RBX1: variants seen among roughly 807,000 people sequenced by gnomAD.
RBX1 encodes E3 ubiquitin-protein ligase RBX1.
For synonymous variants in RBX1, 48 were observed against 47.9 expected (o/e 1.00, Z -0.01); for missense variants, 46 against 141.4 (o/e 0.33, Z 3.42).
At position 40,961,499 on chromosome 22, in the gene RBX1, C is replaced by T. The variant is rs757550163; in HGVS notation, c.158-2548C>T. Among the ~76,000 whole-genome samples the T allele has an allele frequency of 3.7e-4, 55 of 149,216 alleles. No individual in the cohort carries two copies. The Middle Eastern group carries it at 0.011, about 30-fold the overall frequency. Reference sequence around the variant, plus strand: ...TGCGATCTTGGCTCACTGCAAGCTCCGCCTCCCGGGTTCACACCATTCTCC... The same window carrying T: ...TGCGATCTTGGCTCACTGCAAGCTCTGCCTCCCGGGTTCACACCATTCTCC... On this transcript the variant is annotated intron_variant, in intron 2 of 4. Coordinates refer to ENST00000216225, the MANE Select transcript of RBX1 (RefSeq NM_014248.4).
rs1363867763 is a variant in RBX1, at chr22:40,956,952, G to A, written c.157+3319G>A. On this transcript the variant is annotated intron_variant, in intron 2 of 4. Coordinates refer to ENST00000216225, the MANE Select transcript of RBX1 (RefSeq NM_014248.4). Reference sequence around the variant, plus strand: ...TGAGAGGCTGAGGCAGGAGAATGGCGTGAACCCAGGAGGCGGAGGTTGCAG... The same window carrying A: ...TGAGAGGCTGAGGCAGGAGAATGGCATGAACCCAGGAGGCGGAGGTTGCAG... Among the ~76,000 whole-genome samples the A allele has an allele frequency of 2.6e-5, 4 of 151,580 alleles. No homozygotes were observed. The East Asian group carries it at 7.9e-4, about 30-fold the overall frequency.
At chr22:40,957,646 A>G (rs1340567120) in intron 2 of RBX1, among the ~76,000 whole-genome samples, 1 of 152,048 alleles carries the variant, frequency 6.6e-6, no homozygotes, top group African/African-American at 2.4e-5. Flanking sequence ...TCAAAAAGAG[A>G]AACACTGTTT....
chr22:40,957,341 G>A (rs1170926333), intron 2 of RBX1, among the ~76,000 whole-genome samples: 5 of 137,530 alleles, frequency 3.6e-5, no homozygotes, highest in Admixed American at 2.1e-4. Flanking sequence ...GCAAAACTCT[G>A]TCTCAAAAAA....
chr22:40,971,667 T>C (rs1047967265), intron 4 of RBX1, among the ~76,000 whole-genome samples: 9 of 152,112 alleles, frequency 5.9e-5, no homozygotes, highest in Non-Finnish European at 1.2e-4. Flanking sequence ...AGCAGTTCTC[T>C]TGCCTCAGTC....
intron 1 of RBX1, 68 bp downstream of exon 1, chr22:40,951,544 A>G (rs909020619): frequency 8.8e-6 from 13 of 1,478,854 alleles, no homozygotes; most frequent in South Asian, 4.7e-5. Flanking sequence ...AGGCCCGAGG[A>G]TGGTCGAGGC....
chr22:40,964,127 C>T lies in RBX1; in HGVS notation c.228+10C>T, dbSNP rs780440197. On this transcript the variant is annotated intron_variant, in intron 3 of 4. Coordinates refer to ENST00000216225, the MANE Select transcript of RBX1 (RefSeq NM_014248.4). ...ATGGGGAGTCTGTAACGTAAGGAAGCATCTTTACCTGTCAGCATGGCTTGT... is the reference window on the plus strand; with the variant it reads ...ATGGGGAGTCTGTAACGTAAGGAAGTATCTTTACCTGTCAGCATGGCTTGT... The T allele has an allele frequency of 8.4e-5, 135 of 1,598,724 alleles. No individual in the cohort carries two copies. The highest frequency in any genetic ancestry group is 1.1e-4 in the Non-Finnish European group (130 of 1,166,116).
intron 2 of RBX1, among the ~76,000 whole-genome samples, chr22:40,960,040 C>A (rs1195386545): frequency 2.6e-5 from 4 of 152,062 alleles, no homozygotes; most frequent in African/African-American, 9.7e-5. Context: ...ATAGCTGGAA[C>A]CCGGGAGGTG....
chr22:40,971,741 G>A (rs949292519), intron 4 of RBX1, among the ~76,000 whole-genome samples: 2 of 152,026 alleles, frequency 1.3e-5, no homozygotes, highest in African/African-American at 4.8e-5. Context: ...ATTTTTAGTA[G>A]AGACGGGGTT....
At chr22:40,962,276 AT>A (rs932641366) in intron 2 of RBX1, among the ~76,000 whole-genome samples, 2 of 151,310 alleles carry the variant, frequency 1.3e-5, no homozygotes, top group African/African-American at 4.9e-5. Context: ...TAACTTTTGT[AT>A]TTTTAGTAGA....
chr22:40,952,983 C>CTTTT lies in RBX1; in HGVS notation c.79-550_79-547dup, dbSNP rs34618218. Among the ~76,000 whole-genome samples the CTTTT allele has an allele frequency of 3.2e-3, 275 of 86,904 alleles. 4 individuals carry two copies. Among genetic ancestry groups the CTTTT allele is most frequent in the East Asian group, 4.7e-3 (11 of 2,326 alleles). 57.0% of individuals were successfully genotyped at this position (86,904 alleles called of 152,430 possible). A position where few individuals can be genotyped will look rare whatever the true frequency, so the allele number is the denominator to read the frequency against. On this transcript the variant is annotated intron_variant, in intron 1 of 4. Coordinates refer to ENST00000216225, the MANE Select transcript of RBX1 (RefSeq NM_014248.4). ...CTGCACAGAAATTCAAGTTTGTGCC[C>CTTTT]TTTTTTTTTTTTTTTTTTTTTTTTT...
chr22:40,971,934 GCTTCT>G (rs2058370253), intron 4 of RBX1, among the ~76,000 whole-genome samples: 1 of 152,130 alleles, frequency 6.6e-6, no homozygotes, highest in East Asian at 1.9e-4. Context: ...TCCACGCCTA[GCTTCT>G]CTTCTCTTTG....
At chr22:40,960,728 G>T (rs2058337523) in intron 2 of RBX1, among the ~76,000 whole-genome samples, 1 of 151,998 alleles carries the variant, frequency 6.6e-6, no homozygotes, top group African/African-American at 2.4e-5. Flanking sequence ...GTTTCAATAA[G>T]TTCTTAAATA....
chr22:40,969,197 C>A (rs994429610), intron 4 of RBX1, among the ~76,000 whole-genome samples: 50 of 152,086 alleles, frequency 3.3e-4, no homozygotes, highest in Admixed American at 2.1e-3. Context: ...CCTGTAATCC[C>A]AGCTACTTGG....
intron 3 of RBX1, among the ~76,000 whole-genome samples, chr22:40,965,980 G>A (rs1601538741): frequency 6.6e-6 from 1 of 152,296 alleles, no homozygotes; most frequent in African/African-American, 2.4e-5. Context: ...CTCTGAGAGA[G>A]CCTGCCGTAG....
chr22:40,959,702 T>C (rs2058334710), intron 2 of RBX1, among the ~76,000 whole-genome samples: 1 of 152,078 alleles, frequency 6.6e-6, no homozygotes, highest in East Asian at 1.9e-4. Context: ...TCCCAGCTAC[T>C]TGGGAGGCTG....
chr22:40,966,662 G>T (rs1332428277), intron 3 of RBX1: 2 of 152,050 alleles, frequency 1.3e-5, no homozygotes, highest in African/African-American at 4.8e-5. Context: ...TTTTGTCTTT[G>T]TCAAAAAACA....
intron 2 of RBX1, among the ~76,000 whole-genome samples, chr22:40,954,689 A>T (rs559349131): frequency 4.0e-5 from 6 of 151,232 alleles, no homozygotes; most frequent in Admixed American, 6.6e-5. Context: ...TGCCTTTACA[A>T]CTTTGTCTTG....
chr22:40,955,292 G>A (rs2058322411), intron 2 of RBX1, among the ~76,000 whole-genome samples: 1 of 148,448 alleles, frequency 6.7e-6, no homozygotes, highest in African/African-American at 2.5e-5. Flanking sequence ...TTCAGAGACG[G>A]GATCTCGCTT....
At chr22:40,972,366 C>A in intron 4 of RBX1, 110 bp from the exon 5 acceptor site, 1 of 774,740 alleles carries the variant, frequency 1.3e-6, no homozygotes. Flanking sequence ...CTGGAGCACA[C>A]TGTGATCACT....
Sources: allele counts gnomAD v4.1 joint callset (sites outside exome capture counted in the v4.1 genomes callset), GRCh38; gene constraint gnomAD v4.1.1; transcripts MANE v1.5; gene names NCBI Gene and HGNC (gene_info 2026-07-23, HGNC 2026-07-21).